ZNF407: variants seen among roughly 807,000 people sequenced by gnomAD.
The protein encoded by ZNF407 is zinc finger protein 407.
In ZNF407, 17 loss-of-function variants were observed where a neutral mutation model predicts 131.2. The observed-to-expected ratio is 0.13, with a 90% CI of 0.09 to 0.19. The LOEUF is 0.19. Ranked by LOEUF, ZNF407 falls within the 10% of genes least tolerant of loss-of-function variation. The pLI is 1.00. For missense variants in ZNF407, 2,681 were observed against 2,830.6 expected, an observed-to-expected ratio of 0.95 and a Z score of 1.20; for synonymous variants, 1,156 against 1,062.0, an observed-to-expected ratio of 1.09 and a Z score of -1.72.
rs192669070 is a variant in ZNF407, at chr18:74,743,109, T to C, written c.4803-38319T>C. On this transcript the variant is annotated intron_variant, in intron 3 of 8. Transcript: ENST00000299687. ...GCTTTACATTTGTAGTGTGGCTGAC[T>C]AGCCAGTGGCTGACTAGTGTTCTGT... is the stretch of plus-strand genomic sequence containing the variant. Among the ~76,000 whole-genome samples the C allele has an allele frequency of 2.6e-3, 395 of 152,232 alleles. 4 individuals are homozygous for C. Among genetic ancestry groups the C allele is most frequent in the African/African-American group, 8.7e-3 (362 of 41,528 alleles).
chr18:74,600,692 A>G (rs1756069436), intron 1 of ZNF407, among the ~76,000 whole-genome samples: 1 of 152,202 alleles, frequency 6.6e-6, no homozygotes, highest in African/African-American at 2.4e-5. Context: ...GGGCAAAGAG[A>G]TAAAGAGCGG....
At chr18:74,922,178 G>T (rs1296532879) in intron 8 of ZNF407, among the ~76,000 whole-genome samples, 1 of 152,178 alleles carries the variant, frequency 6.6e-6, no homozygotes, top group African/African-American at 2.4e-5. Flanking sequence ...AGATAAAGTC[G>T]AGTTGAAATA....
chr18:75,064,536 TC>T lies in ZNF407; in HGVS notation c.*71del. 7.6e-7 allele frequency: 1 copy of T among 1,315,232 alleles called. No homozygotes were observed. Among genetic ancestry groups the T allele is most frequent in the Non-Finnish European group, 1.0e-6 (1 of 981,480 alleles). The allele number at this position is 1,315,232 out of a possible 1,614,324, so 81.5% of individuals were successfully genotyped here. A position where few individuals can be genotyped will look rare whatever the true frequency, so the allele number is the denominator to read the frequency against. On this transcript the variant is annotated 3_prime_UTR_variant, in exon 9 of 9. Transcript: ENST00000299687. ...GTCCAGCTTCGGTGGGGGACCGTGT[TC>T]CCTGAGCTTCATCTGAAACCTTCAA...
At chr18:74,895,080 T>C (rs1971435720) in intron 7 of ZNF407, among the ~76,000 whole-genome samples, 1 of 152,198 alleles carries the variant, frequency 6.6e-6, no homozygotes, top group South Asian at 2.1e-4. Flanking sequence ...CTGCCTCATA[T>C]TGAAGATTTA....
At chr18:75,023,064 C>A (rs915163348) in intron 8 of ZNF407, among the ~76,000 whole-genome samples, 5 of 152,204 alleles carry the variant, frequency 3.3e-5, no homozygotes, top group East Asian at 3.9e-4. Flanking sequence ...TTATCCTCAG[C>A]AAACTCTCGC....
chr18:74,745,387 TATTCTC>T, intron 3 of ZNF407, among the ~76,000 whole-genome samples: 1 of 148,986 alleles, frequency 6.7e-6, no homozygotes, highest in African/African-American at 2.5e-5. Flanking sequence ...AAAAAAAAAA[TATTCTC>T]AATCTCACCT....
At chr18:74,807,959 T>C (rs1303027120) in intron 4 of ZNF407, among the ~76,000 whole-genome samples, 1 of 152,048 alleles carries the variant, frequency 6.6e-6, no homozygotes, top group East Asian at 1.9e-4. Context: ...GCTCAAGCGA[T>C]CCCCCACCTC....
chr18:74,631,201 GTGT>G lies in ZNF407; in HGVS notation c.187_189del (p.Val63del), dbSNP rs1467309591. 2.5e-6 allele frequency: 4 copies of G among 1,614,022 alleles called. No individual in the cohort carries two copies. In the African/African-American group the frequency reaches 5.3e-5, roughly 22 times the overall value. On this transcript the variant is annotated inframe_deletion, in exon 2 of 9. Coordinates refer to ENST00000299687, the MANE Select transcript of ZNF407 (RefSeq NM_017757.3). ...TTTTCAGAATCATCGAACTCTGATA[GTGT>G]TGTTATAGGAGAAGACAGAAATAAA...
At chr18:74,946,209 C>T (rs1972152209) in intron 8 of ZNF407, among the ~76,000 whole-genome samples, 1 of 152,142 alleles carries the variant, frequency 6.6e-6, no homozygotes, top group Non-Finnish European at 1.5e-5. Context: ...CATTTTAAAC[C>T]ATTTACTCCA....
chr18:74,969,131 G>T (rs1274520452), intron 8 of ZNF407, among the ~76,000 whole-genome samples: 2 of 152,056 alleles, frequency 1.3e-5, no homozygotes, highest in Non-Finnish European at 2.9e-5. Context: ...TGTAATTTCT[G>T]TTCATTTGCT....
chr18:74,685,784 C>A (rs981400691), intron 3 of ZNF407, among the ~76,000 whole-genome samples: 1 of 152,230 alleles, frequency 6.6e-6, no homozygotes, highest in African/African-American at 2.4e-5. Flanking sequence ...TCACATGCCG[C>A]CTTCGAAGTG....
rs768215518 is a variant in ZNF407 at position 74,881,141 on chromosome 18, GC to G, written c.5128+26del. 3.2e-6 allele frequency: 5 copies of G among 1,552,446 alleles called. No individual in the cohort carries two copies. In the South Asian group the frequency reaches 3.5e-5, roughly 11 times the overall value. On this transcript the variant is annotated intron_variant, in intron 6 of 8. Coordinates refer to ENST00000299687, the MANE Select transcript of ZNF407 (RefSeq NM_017757.3). ...ACAGGTCAGTTCCGATGCTGCACTGGCCCCTTCTCTGCAGAGAGGACGGCAA... is the reference window on the plus strand; with the variant it reads ...ACAGGTCAGTTCCGATGCTGCACTGGCCCTTCTCTGCAGAGAGGACGGCAA...
intron 8 of ZNF407, among the ~76,000 whole-genome samples, chr18:74,924,926 G>A (rs1222855260): frequency 6.6e-6 from 1 of 152,152 alleles, no homozygotes; most frequent in Non-Finnish European, 1.5e-5. Flanking sequence ...AAGACCCACG[G>A]GTAGTGTGGT....
chr18:75,042,433 A>C (rs1973384430), intron 8 of ZNF407, among the ~76,000 whole-genome samples: 1 of 152,204 alleles, frequency 6.6e-6, no homozygotes, highest in Non-Finnish European at 1.5e-5. Context: ...AGATGAAGAA[A>C]AGAGTCATAA....
intron 1 of ZNF407, among the ~76,000 whole-genome samples, chr18:74,609,301 T>C (rs1982948764): frequency 6.6e-6 from 1 of 152,188 alleles, no homozygotes; most frequent in South Asian, 2.1e-4. Flanking sequence ...GGTGATTTCA[T>C]TGTTGTGTGA....
At chr18:74,944,519 A>T (rs979791646) in intron 8 of ZNF407, among the ~76,000 whole-genome samples, 4 of 152,198 alleles carry the variant, frequency 2.6e-5, no homozygotes, top group Non-Finnish European at 5.9e-5. Flanking sequence ...TAAATGACAG[A>T]TGTTTAACTA....
At chr18:74,838,725 A>G (rs1358338762) in intron 4 of ZNF407, among the ~76,000 whole-genome samples, 3 of 152,164 alleles carry the variant, frequency 2.0e-5, no homozygotes, top group East Asian at 1.9e-4. Flanking sequence ...ACAGTACACT[A>G]TAGTTGTTGG....
chr18:74,930,116 C>A (rs1265354553), intron 8 of ZNF407, among the ~76,000 whole-genome samples: 1 of 152,220 alleles, frequency 6.6e-6, no homozygotes, highest in Non-Finnish European at 1.5e-5. Flanking sequence ...GCCCAGGAAC[C>A]AACATTCCTT....
intron 8 of ZNF407, among the ~76,000 whole-genome samples, chr18:74,929,789 A>G (rs1568273541): frequency 6.6e-6 from 1 of 152,228 alleles, no homozygotes; most frequent in African/African-American, 2.4e-5. Flanking sequence ...TAGCTTTGAA[A>G]TGTAGTTCAG....
Sources: gnomAD v4.1 joint callset for allele counts (sites outside exome capture counted in the v4.1 genomes callset) on GRCh38, gnomAD v4.1.1 for gene constraint, MANE v1.5 for transcripts, NCBI Gene and HGNC (gene_info 2026-07-23, HGNC 2026-07-21) for gene names.